Variants in PCNX2 observed in about 807,000 individuals in gnomAD.
PCNX2 encodes the protein pecanex-like protein 2.
In PCNX2, 168 loss-of-function variants were observed where a neutral mutation model predicts 223.8. The ratio of observed to expected loss-of-function variants is 0.75; its 90% CI spans 0.66 to 0.85. The LOEUF (loss-of-function observed/expected upper bound fraction) is 0.85, where lower values mean the gene tolerates loss of function less well. Among genes scored for constraint, PCNX2 ranks in the 40% least tolerant of loss-of-function variants. The pLI is 0.00. For synonymous variants in PCNX2, 1,006 were observed against 1,052.6 expected (o/e 0.96, Z 0.86); for missense variants, 2,507 against 2,675.5 (o/e 0.94, Z 1.39).
chr1:233,105,781 A>G (rs1402549908), intron 21 of PCNX2, among the ~76,000 whole-genome samples: 1 of 152,240 alleles, frequency 6.6e-6, no homozygotes, highest in Non-Finnish European at 1.5e-5. Context: ...AAGAGAACAC[A>G]CTAGACAGAA....
chr1:233,252,810 GTTAAT>G lies in PCNX2; in HGVS notation c.1835-27_1835-23del, dbSNP rs1272121350. The G allele has an allele frequency of 1.9e-6, 3 of 1,556,254 alleles. No homozygotes were observed. In the African/African-American group the frequency reaches 4.2e-5, roughly 22 times the overall value. On this transcript the variant is annotated intron_variant, in intron 5 of 33. Coordinates refer to ENST00000258229, the MANE Select transcript of PCNX2 (RefSeq NM_014801.4). ...TTATCTGAAAAACATTGCTTTACTT[GTTAAT>G]TTAATATAAAATAAATCAATGTGAA...
intron 23 of PCNX2, among the ~76,000 whole-genome samples, chr1:233,060,769 G>A (rs1289117906): frequency 6.6e-6 from 1 of 152,194 alleles, no homozygotes; most frequent in Non-Finnish European, 1.5e-5. Context: ...CTGCATGCAT[G>A]GTCTTCCTAG....
At chr1:233,240,340 T>G (rs1658684311) in intron 8 of PCNX2, among the ~76,000 whole-genome samples, 1 of 150,946 alleles carries the variant, frequency 6.6e-6, no homozygotes, top group South Asian at 2.1e-4. Context: ...TTCTCTCTCA[T>G]TTTTTTTAAG....
intron 9 of PCNX2, among the ~76,000 whole-genome samples, chr1:233,233,857 T>G (rs1269112568): frequency 6.6e-6 from 1 of 151,978 alleles, no homozygotes; most frequent in Non-Finnish European, 1.5e-5. Flanking sequence ...GCACACCTGC[T>G]TTCAGCCTCA....
At chr1:233,208,847 A>AAAAAAC (rs1681656463) in intron 12 of PCNX2, among the ~76,000 whole-genome samples, 158 bp from the exon 13 acceptor site, 2 of 150,168 alleles carry the variant, frequency 1.3e-5, no homozygotes, top group Non-Finnish European at 3.0e-5. Context: ...AAAAAAAAAA[A>AAAAAAC]AAAACAGGAA....
chr1:233,166,557 A>G (rs762381885), intron 17 of PCNX2, among the ~76,000 whole-genome samples: 1 of 152,188 alleles, frequency 6.6e-6, no homozygotes, highest in Non-Finnish European at 1.5e-5. Context: ...CCAGCTGCAC[A>G]TGATAAAAAG....
intron 15 of PCNX2, among the ~76,000 whole-genome samples, chr1:233,196,210 A>C (rs75201407): frequency 0.013 from 1,953 of 152,236 alleles, 23 homozygotes; most frequent in South Asian, 0.038. Context: ...ATCATCTCAA[A>C]AGAGATTTCA....
At chr1:233,093,663 CG>C (rs1392767421) in intron 22 of PCNX2, among the ~76,000 whole-genome samples, 1 of 151,640 alleles carries the variant, frequency 6.6e-6, no homozygotes, top group Admixed American at 6.6e-5. Flanking sequence ...TCCATGGGTA[CG>C]GGGGAGAGGG....
At chr1:233,057,087 T>G (rs1338039591) in intron 24 of PCNX2, 145 bp downstream of exon 24, 6 of 736,814 alleles carry the variant, frequency 8.1e-6, no homozygotes, top group Middle Eastern at 3.9e-4. Context: ...TCACTCTACC[T>G]GCACAGTTTT....
chr1:233,164,589 T>G (rs1427447020), intron 17 of PCNX2, among the ~76,000 whole-genome samples: 1 of 151,278 alleles, frequency 6.6e-6, no homozygotes, highest in African/African-American at 2.4e-5. Context: ...ATTTTATATA[T>G]GATACCATTT....
chr1:233,216,560 T>C (rs1194891608), intron 12 of PCNX2, among the ~76,000 whole-genome samples: 1 of 152,076 alleles, frequency 6.6e-6, no homozygotes, highest in African/African-American at 2.4e-5. Context: ...TTGGCAAGGA[T>C]TTGGAGAAAA....
At chr1:233,095,908 C>T (rs374399593) in intron 21 of PCNX2, 45 bp from the exon 22 acceptor site, 1 of 1,396,112 alleles carries the variant, frequency 7.2e-7, no homozygotes. Flanking sequence ...ACAATGACAA[C>T]AGTGGTAACT....
At chr1:233,201,110 T>TA (rs201019503) in intron 13 of PCNX2, among the ~76,000 whole-genome samples, 15,165 of 110,276 alleles carry the variant, frequency 0.14, 1,124 homozygotes, top group East Asian at 0.21. Flanking sequence ...CTTAAAGTAT[T>TA]AAAAAAAAAA....
chr1:233,003,027 T>C (rs1401544491), intron 28 of PCNX2, among the ~76,000 whole-genome samples: 12 of 151,958 alleles, frequency 7.9e-5, no homozygotes, highest in African/African-American at 2.4e-4. Flanking sequence ...AAGACTTAAA[T>C]GTTAGACCTA....
chr1:233,144,953 GTTT>G (rs71173252), intron 19 of PCNX2, among the ~76,000 whole-genome samples: 9 of 137,122 alleles, frequency 6.6e-5, no homozygotes, highest in African/African-American at 2.4e-4. Context: ...TTGTTGTTTT[GTTT>G]TTTTTTTTTG....
intron 8 of PCNX2, among the ~76,000 whole-genome samples, chr1:233,246,680 G>C (rs1659143501): frequency 1.3e-5 from 2 of 152,160 alleles, no homozygotes; most frequent in African/African-American, 4.8e-5. Flanking sequence ...ACAGGGGTAA[G>C]GTACAAGCTA....
At chr1:233,169,592 T>C (rs1033515515) in intron 17 of PCNX2, among the ~76,000 whole-genome samples, 20 of 143,074 alleles carry the variant, frequency 1.4e-4, no homozygotes, top group Non-Finnish European at 1.5e-4. Context: ...TTGCAGTGAG[T>C]CGAGATCGCG....
Position 232,986,209 on chromosome 1 carries a change from C to G in PCNX2, c.6123G>C (p.Ala2041=). 6.4e-7 allele frequency: 1 copy of G among 1,559,236 alleles called. No homozygotes were observed. The highest frequency in any genetic ancestry group is 8.7e-7 in the Non-Finnish European group (1 of 1,151,120). ...CAGCAGAGAGTCCGGAAATGACGAG[C>G]GCGCTGGAAAAGCTCCTCTTGCCGA... ...FLFGKRSFSS[A]LVISGLSAAE... is the part of the protein sequence containing the mutation. The change falls in exon 33 of 34, where the codon GCG becomes GCC. Residue 2041 remains alanine (A), a synonymous_variant. Transcript: ENST00000258229.
chr1:233,019,164 C>A, intron 26 of PCNX2: 1 of 985,396 alleles, frequency 1.0e-6, no homozygotes, highest in Non-Finnish European at 1.2e-6. Context: ...ATGACTTAGG[C>A]TCTCTGCTGT....
Sources: gnomAD v4.1 joint callset for allele counts (sites outside exome capture counted in the v4.1 genomes callset) on GRCh38, gnomAD v4.1.1 for gene constraint, MANE v1.5 for transcripts, NCBI Gene and HGNC (gene_info 2026-07-23, HGNC 2026-07-21) for gene names.